Variants in RSPH6A observed in about 807,000 individuals in gnomAD.
The protein encoded by RSPH6A is radial spoke head protein 6 homolog A.
Under a neutral mutation model 66.1 loss-of-function variants are expected in RSPH6A, and 49 were observed. The ratio of observed to expected loss-of-function variants is 0.74; its 90% CI spans 0.59 to 0.94. The LOEUF (loss-of-function observed/expected upper bound fraction) is 0.94. RSPH6A is among the 40% of genes least tolerant of loss of function. The pLI is 0.00. For synonymous variants in RSPH6A, 419 were observed against 402.4 expected (o/e 1.04, Z -0.49); for missense variants, 977 against 948.3 (o/e 1.03, Z -0.40).
Position 45,797,104 on chromosome 19 carries a change from C to T in RSPH6A, c.1917-998G>A, listed in dbSNP as rs150318884. ...AAGAAATAAGTAACTAGGCTGGACG[C>T]AGTGGCTCACGCCTGCAATCCCAGC... On this transcript the variant is annotated intron_variant, in intron 5 of 5. Coordinates refer to ENST00000221538, the MANE Select transcript of RSPH6A (RefSeq NM_030785.4). Among the ~76,000 whole-genome samples the T allele has an allele frequency of 1.4e-3, 211 of 151,950 alleles. 1 individual carries two copies. Among genetic ancestry groups the T allele is most frequent in the African/African-American group, 5.0e-3 (209 of 41,440 alleles).
chr19:45,799,836 C>T (rs191006888), intron 5 of RSPH6A, among the ~76,000 whole-genome samples: 1 of 152,298 alleles, frequency 6.6e-6, no homozygotes, highest in African/African-American at 2.4e-5. Flanking sequence ...CACTCGAGGT[C>T]AGGAGTCTGA....
In RSPH6A at chr19:45,795,787, G is replaced by T; in HGVS notation, c.*82C>A. ...GCCCTCTGGGGACAGGAAGCACATA[G>T]TGAAAATATAATCCATGCTAACTAC... On this transcript the variant is annotated 3_prime_UTR_variant, in exon 6 of 6. Coordinates refer to ENST00000221538, the MANE Select transcript of RSPH6A (RefSeq NM_030785.4). 7.9e-7 allele frequency: 1 copy of T among 1,267,282 alleles called. No individual in the cohort carries two copies. Among genetic ancestry groups the T allele is most frequent in the South Asian group, 1.4e-5 (1 of 71,688 alleles). The allele number at this position is 1,267,282 out of a possible 1,614,324, so 78.5% of individuals were successfully genotyped here.
chr19:45,805,018 T>C lies in RSPH6A; in HGVS notation c.889-2A>G. 6.2e-7 allele frequency: 1 copy of C among 1,605,504 alleles called. No homozygotes were observed. Among genetic ancestry groups the C allele is most frequent in the Non-Finnish European group, 8.5e-7 (1 of 1,178,012 alleles). On this transcript the variant is annotated splice_acceptor_variant, in intron 2 of 5. Transcript: ENST00000221538. LOFTEE classifies it high-confidence loss of function. ...GATGTTGGGCACTGGTGTCTCCCCC[T>C]GCGCAGGGTAGGGTGGAGGGCAGAG... is the stretch of plus-strand genomic sequence containing the variant.
At chr19:45,807,703 G>A (rs1034490557) in intron 2 of RSPH6A, among the ~76,000 whole-genome samples, 1 of 151,844 alleles carries the variant, frequency 6.6e-6, no homozygotes, top group Admixed American at 6.6e-5. Context: ...TAGAGACAGG[G>A]TTTCACCATG....
At chr19:45,800,759 CACA>C (rs1970461847) in intron 4 of RSPH6A, among the ~76,000 whole-genome samples, 196 bp from the exon 5 acceptor site, 1 of 118,980 alleles carries the variant, frequency 8.4e-6, no homozygotes, top group African/African-American at 3.0e-5. Flanking sequence ...CACACACACA[CACA>C]CACACACACA....
chr19:45,810,115 C>G, intron 2 of RSPH6A, among the ~76,000 whole-genome samples: 1 of 152,120 alleles, frequency 6.6e-6, no homozygotes, highest in East Asian at 1.9e-4. Flanking sequence ...TCAAGACCAA[C>G]CCGGCCAACA....
At chr19:45,803,989 G>C (rs961210347) in intron 3 of RSPH6A, among the ~76,000 whole-genome samples, 4 of 108,110 alleles carry the variant, frequency 3.7e-5, no homozygotes, top group Non-Finnish European at 7.2e-5. Flanking sequence ...GCGAGACTCT[G>C]TCTCAAAAAA....
intron 1 of RSPH6A, 79 bp downstream of exon 1, chr19:45,814,448 A>G (rs1180029827): frequency 1.5e-6 from 2 of 1,330,836 alleles, no homozygotes; most frequent in African/African-American, 3.0e-5. Context: ...CCCTTGTCTG[A>G]CTGACTGAGG....
At chr19:45,800,417 C>G (rs1227683952) in intron 5 of RSPH6A, 29 bp downstream of exon 5, 1 of 1,594,904 alleles carries the variant, frequency 6.3e-7, no homozygotes, top group Non-Finnish European at 8.6e-7. Flanking sequence ...AGAGATTCTC[C>G]TGCTGGGAGG....
At chr19:45,806,125 T>A (rs577024079) in intron 2 of RSPH6A, among the ~76,000 whole-genome samples, 20 of 152,282 alleles carry the variant, frequency 1.3e-4, no homozygotes, top group African/African-American at 4.8e-4. Context: ...TACTCCATGT[T>A]TCACAGAAAG....
intron 1 of RSPH6A, among the ~76,000 whole-genome samples, chr19:45,813,616 A>AT (rs1202926091): frequency 6.6e-6 from 1 of 152,240 alleles, no homozygotes; most frequent in African/African-American, 2.4e-5. Context: ...AAGTGCTGGG[A>AT]TAACAGGCGT....
At chr19:45,808,319 C>T (rs548990168) in intron 2 of RSPH6A, among the ~76,000 whole-genome samples, 6 of 152,148 alleles carry the variant, frequency 3.9e-5, no homozygotes, top group South Asian at 2.1e-4. Flanking sequence ...CCCAGCTACT[C>T]GGGAGGCTGA....
At chr19:45,800,416 C>T (rs911072332) in intron 5 of RSPH6A, 30 bp downstream of exon 5, 1 of 1,594,782 alleles carries the variant, frequency 6.3e-7, no homozygotes, top group Admixed American at 1.7e-5. Context: ...GAGAGATTCT[C>T]CTGCTGGGAG....
At position 45,815,088 on chromosome 19, in the gene RSPH6A, C is replaced by T. The variant is rs754329866; in HGVS notation, c.89G>A (p.Arg30Gln). 2.5e-6 allele frequency: 4 copies of T among 1,613,228 alleles called. No homozygotes were observed. Among genetic ancestry groups the T allele is most frequent in the South Asian group, 2.2e-5 (2 of 91,068 alleles). Residue 30 changes from arginine to glutamine, a missense_variant, in exon 1 of 6, where the codon CGG becomes CAG. Arg to Gln is a conservative substitution (Grantham distance 43). Transcript: ENST00000221538. ...TSQASQRRHS[R>Q]DQAQALAADP... ...CGCTGCCAGGGCCTGAGCTTGGTCC[C>T]GACTGTGCCGCCTCTGGGAGGCCTG...
In RSPH6A at chr19:45,795,871, A is replaced by C. The variant is rs760815692; in HGVS notation, c.2152T>G (p.Ter718GlyextTer13). 3.1e-6 allele frequency: 4 copies of C among 1,304,748 alleles called. No homozygotes were observed. The highest frequency in any genetic ancestry group is 2.1e-4 in the Middle Eastern group (1 of 4,680). The allele number at this position is 1,304,748 out of a possible 1,614,324, so 80.8% of individuals were successfully genotyped here. A position where few individuals can be genotyped will look rare whatever the true frequency, so the allele number is the denominator to read the frequency against. Reference protein sequence around the residue: ...EEEEGEETDD* With the variant: ...EEEEGEETDDG ...GGAAAGTGGCTAGAGGGTGGGCCTCAGTCATCTGTCTCCTCGCCCTCCTCC... is the reference window on the plus strand; with the variant it reads ...GGAAAGTGGCTAGAGGGTGGGCCTCCGTCATCTGTCTCCTCGCCCTCCTCC... Residue 718 changes from the stop codon to glycine (G), a stop_lost, in exon 6 of 6, where the codon TGA becomes GGA. Transcript: ENST00000221538.
rs757894963 is a variant in RSPH6A, at chr19:45,796,043, G to A, written c.1980C>T (p.Ala660=). ...ACTCTTGTTGAATGGGGGCTGGCAG[G>A]GCCGGGTTGAAGCTCTCGGGGCTGT... ...HKYSPESFNP[A]LPAPIQQEYP... Residue 660 remains alanine, a synonymous_variant, in exon 6 of 6, where the codon GCC becomes GCT. Coordinates refer to ENST00000221538, the MANE Select transcript of RSPH6A (RefSeq NM_030785.4). 65 of 1,613,392 alleles carry A rather than the reference G, an allele frequency of 4.0e-5. No individual in the cohort carries two copies. Among genetic ancestry groups the A allele is most frequent in the South Asian group, 4.0e-4 (36 of 91,048 alleles).
rs760298875 is a variant in RSPH6A at position 45,802,179 on chromosome 19, G to C, written c.1739C>G (p.Pro580Arg). The change falls in exon 4 of 6, where the codon CCA becomes CGA. Residue 580 changes from proline to arginine, a missense_variant. Pro to Arg is a moderately radical substitution (Grantham distance 103). Coordinates refer to ENST00000221538, the MANE Select transcript of RSPH6A (RefSeq NM_030785.4). ...GEEEEKADEGPEEVEQEVGPP... is the reference protein window; with the variant it reads ...GEEEEKADEGREEVEQEVGPP... Reference sequence around the variant, plus strand: ...GCCAACCTCCTGCTCCACCTCCTCTGGCCCCTCATCTGCCTTCTCTTCCTC... The same window carrying C: ...GCCAACCTCCTGCTCCACCTCCTCTCGCCCCTCATCTGCCTTCTCTTCCTC... The C allele has an allele frequency of 2.4e-5, 38 of 1,560,016 alleles. No individual in the cohort carries two copies. In the South Asian group the frequency reaches 4.4e-4, roughly 18 times the overall value.
At chr19:45,813,854 T>C (rs1318132248) in intron 1 of RSPH6A, among the ~76,000 whole-genome samples, 1 of 152,066 alleles carries the variant, frequency 6.6e-6, no homozygotes, top group Non-Finnish European at 1.5e-5. Flanking sequence ...GGAGGTTTAG[T>C]TGCAGGATAA....
In RSPH6A at chr19:45,802,202, C is replaced by A. The variant is rs1467502949; in HGVS notation, c.1716G>T (p.Glu572Asp). ...KTEEEEDLGEEEEKADEGPEE... is the reference protein window; with the variant it reads ...KTEEEEDLGEDEEKADEGPEE... ...CTGGCCCCTCATCTGCCTTCTCTTCCTCCTCCCCCAGGTCCTCCTCCTCCT... is the reference window on the plus strand; with the variant it reads ...CTGGCCCCTCATCTGCCTTCTCTTCATCCTCCCCCAGGTCCTCCTCCTCCT... The change falls in exon 4 of 6, where the codon GAG becomes GAT. Residue 572 changes from glutamate (E) to aspartate (D), a missense_variant. Transcript: ENST00000221538. The A allele has an allele frequency of 1.3e-6, 2 of 1,549,736 alleles. No individual in the cohort carries two copies. Among genetic ancestry groups the A allele is most frequent in the Non-Finnish European group, 1.7e-6 (2 of 1,143,732 alleles).
Sources: allele counts gnomAD v4.1 joint callset (sites outside exome capture counted in the v4.1 genomes callset), GRCh38; gene constraint gnomAD v4.1.1; transcripts MANE v1.5; gene names NCBI Gene and HGNC (gene_info 2026-07-23, HGNC 2026-07-21).